RELN: variants seen among roughly 807,000 people sequenced by gnomAD.
RELN encodes the protein reelin.
RELN carries 108 observed loss-of-function variants against 427.6 expected under a neutral mutation model. The ratio of observed to expected loss-of-function variants is 0.25; its 90% confidence interval spans 0.22 to 0.30. The LOEUF (loss-of-function observed/expected upper bound fraction) is 0.30, where lower values mean the gene tolerates loss of function less well. Among genes scored for constraint, RELN ranks in the 10% least tolerant of loss-of-function variants. The pLI, the probability that RELN is intolerant of heterozygous loss-of-function variation, is 1.00. For missense variants in RELN, 3,715 were observed against 4,302.8 expected, an observed-to-expected ratio of 0.86 and a Z score of 3.82; for synonymous variants, 1,524 against 1,513.4, an observed-to-expected ratio of 1.01 and a Z score of -0.16.
intron 20 of RELN, among the ~76,000 whole-genome samples, chr7:103,625,470 G>T (rs1457368039): frequency 6.6e-6 from 1 of 152,144 alleles, no homozygotes. Flanking sequence ...ACGTCTGTTA[G>T]CTTCTAAAAT....
intron 1 of RELN, among the ~76,000 whole-genome samples, chr7:103,958,190 C>A (rs1170073779): frequency 6.6e-6 from 1 of 152,202 alleles, no homozygotes; most frequent in East Asian, 1.9e-4. Flanking sequence ...TAATCCCCTC[C>A]CCTGAGAATA....
intron 53 of RELN, 65 bp from the exon 54 acceptor site, chr7:103,498,317 A>G (rs1332064689): frequency 5.6e-6 from 8 of 1,430,284 alleles, no homozygotes; most frequent in Non-Finnish European, 7.9e-6. Flanking sequence ...AATATTTAAG[A>G]AAATACAGAG....
Position 103,561,960 on chromosome 7 carries a change from A to G in RELN, c.5211-7T>C, listed in dbSNP as rs760447914. On this transcript the variant is annotated splice_polypyrimidine_tract_variant and splice_region_variant and intron_variant, in intron 34 of 64. Coordinates refer to ENST00000428762, the MANE Select transcript of RELN (RefSeq NM_005045.4). ...GAACCGGGTCCTGGGAGAACTAACC[A>G]AAAAAAAAAAAAAAAAAACACACCA... The G allele has an allele frequency of 7.2e-5, 12 of 167,432 alleles. No individual in the cohort carries two copies. In the Admixed American group the frequency reaches 8.9e-4, roughly 12 times the overall value. 10.4% of individuals were successfully genotyped at this position (167,432 alleles called of 1,614,324 possible). A position where few individuals can be genotyped will look rare whatever the true frequency, so the allele number is the denominator to read the frequency against.
intron 4 of RELN, among the ~76,000 whole-genome samples, chr7:103,762,047 CTTTA>C (rs1325601316): frequency 6.6e-6 from 1 of 151,600 alleles, no homozygotes; most frequent in Non-Finnish European, 1.5e-5. Context: ...TTCTTCTTTT[CTTTA>C]TTTCTTTATT....
chr7:103,907,644 T>C (rs1795243475), intron 2 of RELN, among the ~76,000 whole-genome samples: 1 of 151,762 alleles, frequency 6.6e-6, no homozygotes, highest in African/African-American at 2.4e-5. Context: ...AGTTGTACAA[T>C]CTTGTGAATA....
chr7:103,688,993 G>C (rs558693360), intron 10 of RELN, among the ~76,000 whole-genome samples: 1 of 152,130 alleles, frequency 6.6e-6, no homozygotes, highest in Admixed American at 6.6e-5. Flanking sequence ...AGTAGTAGAG[G>C]AAACATTAAG....
At chr7:103,828,866 G>A (rs916063682) in intron 3 of RELN, among the ~76,000 whole-genome samples, 1 of 151,866 alleles carries the variant, frequency 6.6e-6, no homozygotes, top group Non-Finnish European at 1.5e-5. Flanking sequence ...GAGAGATTCC[G>A]ATGCCATACT....
At chr7:103,844,060 T>A (rs755749674) in intron 2 of RELN, among the ~76,000 whole-genome samples, 6 of 152,196 alleles carry the variant, frequency 3.9e-5, no homozygotes, top group Non-Finnish European at 7.3e-5. Context: ...TGACCTGCTC[T>A]CTTGTGTGTT....
chr7:103,579,780 A>G (rs1013339710), intron 28 of RELN, among the ~76,000 whole-genome samples: 1 of 152,096 alleles, frequency 6.6e-6, no homozygotes, highest in African/African-American at 2.4e-5. Context: ...CGATTTCTGC[A>G]CTGTACCCTT....
In RELN at chr7:103,968,600, C is replaced by T. The variant is rs1466850738; in HGVS notation, c.226+20531G>A. Among the ~76,000 whole-genome samples, 1 of 152,082 alleles carries T rather than the reference C, an allele frequency of 6.6e-6. No homozygotes were observed. Among genetic ancestry groups the T allele is most frequent in the African/African-American group, 2.4e-5 (1 of 41,404 alleles). ...AGAAGACAAAGGATATTACTGCTTC[C>T]TTATTCAAATCTAATCTAACCATCT... On this transcript the variant is annotated intron_variant, in intron 1 of 64. Coordinates refer to ENST00000428762, the MANE Select transcript of RELN (RefSeq NM_005045.4). This position sits in a 1 kb window ranked among gnomAD's most constrained non-coding sequence, Gnocchi z 4.3.
chr7:103,898,797 C>A (rs925398963), intron 2 of RELN, among the ~76,000 whole-genome samples: 3 of 151,870 alleles, frequency 2.0e-5, no homozygotes, highest in Non-Finnish European at 4.4e-5. Context: ...TCCTTTAAAG[C>A]TAGAGCAAAA....
At chr7:103,474,464 T>C (rs1827961196) in intron 64 of RELN, among the ~76,000 whole-genome samples, 1 of 152,058 alleles carries the variant, frequency 6.6e-6, no homozygotes, top group South Asian at 2.1e-4. Context: ...GCAGATTTAC[T>C]ATCCTCCCCC....
At chr7:103,797,150 A>G (rs1792325265) in intron 3 of RELN, among the ~76,000 whole-genome samples, 3 of 152,074 alleles carry the variant, frequency 2.0e-5, no homozygotes, top group Admixed American at 6.6e-5. Context: ...CAATGGTGCT[A>G]TCTTGGCTCA....
chr7:103,611,637 C>T lies in RELN; in HGVS notation c.2869G>A (p.Gly957Ser). Reference protein sequence around the residue: ...QVKLEYSTNHGLTWHLVQEEC... With the variant: ...QVKLEYSTNHSLTWHLVQEEC... ...TCTTGGACGAGGTGCCAGGTAAGGC[C>T]GTGGTTGGTTGAGTACTCCAGCTTC... The change falls in exon 21 of 65, where the codon GGC (glycine) becomes AGC (serine). Residue 957 changes from glycine (G) to serine (S), a missense_variant. Gly to Ser is a moderately conservative substitution (Grantham distance 56). Coordinates refer to ENST00000428762, the MANE Select transcript of RELN (RefSeq NM_005045.4). The T allele has an allele frequency of 6.2e-7, 1 of 1,613,520 alleles. No homozygotes were observed. The highest frequency in any genetic ancestry group is 8.5e-7 in the Non-Finnish European group (1 of 1,179,866).
At chr7:103,961,796 G>T (rs1265156455) in intron 1 of RELN, among the ~76,000 whole-genome samples, 1 of 152,150 alleles carries the variant, frequency 6.6e-6, no homozygotes, top group African/African-American at 2.4e-5. Context: ...ACAGGTGTGA[G>T]AATTAAATGA....
chr7:103,820,239 C>A (rs1792980807), intron 3 of RELN, among the ~76,000 whole-genome samples: 1 of 151,932 alleles, frequency 6.6e-6, no homozygotes, highest in Non-Finnish European at 1.5e-5. Context: ...AATAGCACTT[C>A]ATTTTAACAC....
chr7:103,974,082 G>A (rs889080853), intron 1 of RELN, among the ~76,000 whole-genome samples: 2 of 152,210 alleles, frequency 1.3e-5, no homozygotes, highest in Admixed American at 6.5e-5. Context: ...GGTGGAGGTT[G>A]AGGTGAGCCG....
At position 103,682,182 on chromosome 7, in the gene RELN, T is replaced by A. The variant is rs1833667697; in HGVS notation, c.1223A>T (p.Asp408Val). The A allele has an allele frequency of 6.2e-7, 1 of 1,613,734 alleles. No individual in the cohort carries two copies. The highest frequency in any genetic ancestry group is 1.3e-5 in the African/African-American group (1 of 74,884). The change falls in exon 11 of 65, where the codon GAT becomes GTT. Residue 408 changes from aspartate to valine, a missense_variant. This residue lies in a region of RELN where 2,208 missense variants were observed against 2,361.7 expected (regional missense o/e 0.93). Coordinates refer to ENST00000428762, the MANE Select transcript of RELN (RefSeq NM_005045.4). ...AATATCTTCTGTGGAAAGATCTACA[T>A]CCCTGGTGGTGGCAAAATTGAACTC... The part of the protein sequence containing the change: ...GSEFNFATTR[D>V]VDLSTEDIQE...
chr7:103,839,246 G>C (rs1403813569), intron 2 of RELN, among the ~76,000 whole-genome samples: 1 of 147,436 alleles, frequency 6.8e-6, no homozygotes, highest in Non-Finnish European at 1.5e-5. Flanking sequence ...TCCCAAACAT[G>C]TATTCTCTGG....
Sources: allele counts gnomAD v4.1 joint callset (sites outside exome capture counted in the v4.1 genomes callset), GRCh38; gene constraint gnomAD v4.1.1; regional missense constraint gnomAD v4.1.1; non-coding constraint Gnocchi (gnomAD v3.1); transcripts MANE v1.5; gene names NCBI Gene and HGNC (gene_info 2026-07-23, HGNC 2026-07-21).